Variants in DDX10 observed in about 807,000 individuals in gnomAD.
DDX10 encodes DEAD-box helicase 10, also known as probable ATP-dependent RNA helicase DDX10.
DDX10 carries 74 observed loss-of-function variants against 104.3 expected under a neutral mutation model. That is an observed-to-expected ratio of 0.71 (90% CI 0.59 to 0.86). The LOEUF (loss-of-function observed/expected upper bound fraction) is 0.86. DDX10 is among the 40% of genes least tolerant of loss of function. The pLI is 0.00. For missense variants in DDX10, 952 were observed against 1,040.0 expected (o/e 0.92, Z 1.16); for synonymous variants, 351 against 353.4 (o/e 0.99, Z 0.08).
chr11:108,885,544 G>A (rs11821958), intron 16 of DDX10, among the ~76,000 whole-genome samples: 1 of 151,786 alleles, frequency 6.6e-6, no homozygotes, highest in Non-Finnish European at 1.5e-5. Context: ...TTTTAGTAGG[G>A]ACAGGGTTTC....
chr11:108,828,207 A>C (rs1862421641), intron 13 of DDX10, among the ~76,000 whole-genome samples: 1 of 152,096 alleles, frequency 6.6e-6, no homozygotes, highest in Admixed American at 6.5e-5. Context: ...GTTTATTTAC[A>C]TGAATAGGTT....
chr11:108,673,281 A>G (rs1179744784), intron 1 of DDX10, among the ~76,000 whole-genome samples, 186 bp from the exon 2 acceptor site: 2 of 152,168 alleles, frequency 1.3e-5, no homozygotes, highest in Admixed American at 1.3e-4. Flanking sequence ...ACAAATGTAT[A>G]TTCGATTCAG....
At chr11:108,745,077 C>T (rs1169263770) in intron 13 of DDX10, among the ~76,000 whole-genome samples, 1 of 86,372 alleles carries the variant, frequency 1.2e-5, no homozygotes, top group East Asian at 4.4e-4. Context: ...CTTCCCCCTT[C>T]CCTTCCTTTC....
At chr11:108,862,160 G>A (rs1862950410) in intron 16 of DDX10, among the ~76,000 whole-genome samples, 1 of 152,036 alleles carries the variant, frequency 6.6e-6, no homozygotes, top group East Asian at 1.9e-4. Context: ...CGAGGACTAC[G>A]AGAATGTACC....
At chr11:108,830,397 G>A (rs904810593) in intron 13 of DDX10, among the ~76,000 whole-genome samples, 3 of 152,030 alleles carry the variant, frequency 2.0e-5, no homozygotes, top group Admixed American at 1.3e-4. Context: ...CTTTAATTTT[G>A]TATCCTGAAA....
chr11:108,915,805 C>T (rs1863740452), intron 16 of DDX10, among the ~76,000 whole-genome samples: 1 of 152,040 alleles, frequency 6.6e-6, no homozygotes, highest in Non-Finnish European at 1.5e-5. Flanking sequence ...TTACTCTTCC[C>T]TTTCCCAAAT....
intron 7 of DDX10, 94 bp from the exon 8 acceptor site, chr11:108,691,782 C>T (rs765383608): frequency 1.7e-5 from 18 of 1,087,766 alleles, no homozygotes; most frequent in Non-Finnish European, 2.3e-5. Context: ...TCACATTGCT[C>T]TGCTGTTGAG....
At chr11:108,820,991 A>G (rs148731182) in intron 13 of DDX10, among the ~76,000 whole-genome samples, 53 of 152,340 alleles carry the variant, frequency 3.5e-4, no homozygotes, top group African/African-American at 1.2e-3. Context: ...GATTAGCCCA[A>G]GCTCAACTTA....
intron 16 of DDX10, among the ~76,000 whole-genome samples, chr11:108,885,891 C>G (rs1275827594): frequency 6.6e-6 from 1 of 152,094 alleles, no homozygotes; most frequent in Non-Finnish European, 1.5e-5. Flanking sequence ...AGCTAAGTCA[C>G]TTTGAGGTAG....
At chr11:108,918,257 T>C in intron 17 of DDX10, 1 of 489,648 alleles carries the variant, frequency 2.0e-6, no homozygotes, top group Non-Finnish European at 3.5e-6. Flanking sequence ...TAGATATGAG[T>C]ATGATATATG....
intron 13 of DDX10, among the ~76,000 whole-genome samples, chr11:108,725,278 C>G (rs894655726): frequency 6.6e-6 from 1 of 152,050 alleles, no homozygotes; most frequent in Non-Finnish European, 1.5e-5. Context: ...TAAACATATA[C>G]ATTTTTATGT....
At chr11:108,755,589 C>G (rs990649076) in intron 13 of DDX10, among the ~76,000 whole-genome samples, 2 of 151,932 alleles carry the variant, frequency 1.3e-5, no homozygotes, top group Non-Finnish European at 2.9e-5. Flanking sequence ...AATTGTGTAC[C>G]TCTGAGGCTT....
At chr11:108,917,258 C>A (rs1863763009) in intron 16 of DDX10, among the ~76,000 whole-genome samples, 2 of 151,658 alleles carry the variant, frequency 1.3e-5, no homozygotes, top group Non-Finnish European at 2.9e-5. Context: ...TTAAGACTTA[C>A]ACTTTTGTGG....
At chr11:108,757,843 C>G (rs947164889) in intron 13 of DDX10, among the ~76,000 whole-genome samples, 4 of 151,968 alleles carry the variant, frequency 2.6e-5, no homozygotes, top group African/African-American at 7.2e-5. Flanking sequence ...TTTTTACTAT[C>G]GACTCTGTGA....
At chr11:108,854,612 A>G (rs1162262304) in intron 16 of DDX10, among the ~76,000 whole-genome samples, 2 of 152,224 alleles carry the variant, frequency 1.3e-5, no homozygotes, top group Non-Finnish European at 2.9e-5. Flanking sequence ...CAATCACTGC[A>G]TAGAAACTGA....
chr11:108,693,271 T>C (rs910367750), intron 8 of DDX10, among the ~76,000 whole-genome samples: 1 of 152,252 alleles, frequency 6.6e-6, no homozygotes, highest in East Asian at 1.9e-4. Flanking sequence ...GCAATCTGTC[T>C]CTTCCGTGTC....
chr11:108,829,095 TGGG>T (rs1862436100), intron 13 of DDX10, among the ~76,000 whole-genome samples: 1 of 152,252 alleles, frequency 6.6e-6, no homozygotes, highest in African/African-American at 2.4e-5. Context: ...TCTTTTCCTC[TGGG>T]TAGATACCTA....
intron 10 of DDX10, among the ~76,000 whole-genome samples, chr11:108,708,655 C>T (rs1010543138): frequency 6.6e-6 from 1 of 151,206 alleles, no homozygotes; most frequent in Non-Finnish European, 1.5e-5. Flanking sequence ...GGAACCTCTA[C>T]CTCCTGGGTT....
intron 16 of DDX10, among the ~76,000 whole-genome samples, chr11:108,904,672 C>T (rs1863566632): frequency 2.0e-5 from 3 of 151,632 alleles, no homozygotes; most frequent in African/African-American, 7.3e-5. Flanking sequence ...TGACTGAAAA[C>T]CCATCTCCTC....
Sources: gnomAD v4.1 joint callset for allele counts (sites outside exome capture counted in the v4.1 genomes callset) on GRCh38, gnomAD v4.1.1 for gene constraint, MANE v1.5 for transcripts, NCBI Gene and HGNC (gene_info 2026-07-23, HGNC 2026-07-21) for gene names.